Variants in KCNQ1 observed in about 807,000 individuals in gnomAD.
KCNQ1 encodes the protein potassium voltage-gated channel subfamily KQT member 1.
Under a neutral mutation model 72.4 loss-of-function variants are expected in KCNQ1, and 49 were observed. The ratio of observed to expected loss-of-function variants is 0.68; its 90% CI spans 0.54 to 0.86. The LOEUF (loss-of-function observed/expected upper bound fraction) is 0.86, where lower values mean the gene tolerates loss of function less well. Among genes scored for constraint, KCNQ1 ranks in the 40% least tolerant of loss-of-function variants. KCNQ1 has a pLI of 0.00. For synonymous variants in KCNQ1, 450 were observed against 412.6 expected (o/e 1.09, Z -1.10); for missense variants, 790 against 945.1 (o/e 0.84, Z 2.15).
At chr11:2,685,959 G>A (rs1339849377) in intron 11 of KCNQ1, 9 of 398,648 alleles carry the variant, frequency 2.3e-5, no homozygotes, top group East Asian at 3.6e-5. Flanking sequence ...TGGGTCACAC[G>A]GATGAGGCCT....
intron 7 of KCNQ1, among the ~76,000 whole-genome samples, chr11:2,583,917 T>G (rs1848544172): frequency 6.6e-6 from 1 of 152,218 alleles, no homozygotes; most frequent in Admixed American, 6.5e-5. Flanking sequence ...GGGGGGGTTT[T>G]GTTCCATGTC....
intron 6 of KCNQ1, among the ~76,000 whole-genome samples, chr11:2,580,747 G>C (rs1054797253): frequency 2.6e-5 from 4 of 152,208 alleles, no homozygotes; most frequent in Non-Finnish European, 5.9e-5. Context: ...CCCCACCTTG[G>C]GCGCTGGTCT....
intron 1 of KCNQ1, among the ~76,000 whole-genome samples, chr11:2,503,739 G>T (rs541910143): frequency 6.6e-6 from 1 of 152,158 alleles, no homozygotes; most frequent in East Asian, 1.9e-4. Flanking sequence ...GGTACTCAAC[G>T]TCACTGATCA....
chr11:2,522,521 C>T (rs1015968903), intron 1 of KCNQ1, among the ~76,000 whole-genome samples: 2 of 152,198 alleles, frequency 1.3e-5, no homozygotes, highest in African/African-American at 4.8e-5. Flanking sequence ...CAGCTCGGCA[C>T]CTGTGAGGTT....
At chr11:2,594,082 C>T (rs1213815731) in intron 10 of KCNQ1, among the ~76,000 whole-genome samples, 1 of 152,184 alleles carries the variant, frequency 6.6e-6, no homozygotes, top group African/African-American at 2.4e-5. Context: ...TCTGTCTCAC[C>T]ATTTGGATTT....
chr11:2,697,005 T>G lies in KCNQ1; in HGVS notation c.1514+34924T>G, dbSNP rs1850688413. ...CCATGTAGCCCAGTAATTTTCAAAGTGTAGTCTGGGGATTCCAGAGAGCCC... is the reference window on the plus strand; with the variant it reads ...CCATGTAGCCCAGTAATTTTCAAAGGGTAGTCTGGGGATTCCAGAGAGCCC... On this transcript the variant is annotated intron_variant, in intron 11 of 15. Transcript: ENST00000155840. The G allele has an allele frequency of 1.0e-5, 4 of 398,572 alleles. No homozygotes were observed. The East Asian group carries it at 1.4e-4, about 14-fold the overall frequency. The allele number at this position is 398,572 out of a possible 1,614,324, so 24.7% of individuals were successfully genotyped here. A position where few individuals can be genotyped will look rare whatever the true frequency, so the allele number is the denominator to read the frequency against.
intron 11 of KCNQ1, among the ~76,000 whole-genome samples, chr11:2,736,478 C>T (rs937182626): frequency 1.3e-5 from 2 of 152,114 alleles, no homozygotes; most frequent in Non-Finnish European, 2.9e-5. Context: ...GACGGTGGCC[C>T]CCGTGCCTGG....
intron 11 of KCNQ1, chr11:2,696,541 T>A: frequency 2.5e-6 from 1 of 398,672 alleles, no homozygotes; most frequent in Non-Finnish European, 4.4e-6. Context: ...AGTTGGCATT[T>A]ACAAATATTT....
Position 2,710,076 on chromosome 11 carries a change from T to C in KCNQ1, c.1514+47995T>C, listed in dbSNP as rs1307655359. Among the ~76,000 whole-genome samples, 1 of 152,244 alleles carries C rather than the reference T, an allele frequency of 6.6e-6. No homozygotes were observed. Among genetic ancestry groups the C allele is most frequent in the African/African-American group, 2.4e-5 (1 of 41,462 alleles). On this transcript the variant is annotated intron_variant, in intron 11 of 15. Coordinates refer to ENST00000155840, the MANE Select transcript of KCNQ1 (RefSeq NM_000218.3). The surrounding 1 kb of genome is among the most constrained non-coding windows in gnomAD (Gnocchi z 4.1). ...GAGGATCTGCCAGACTGTTTTCCAA[T>C]GTGGCAGCACCATTTTGCATTCCCA...
intron 11 of KCNQ1, chr11:2,689,783 G>C (rs894064244): frequency 2.5e-6 from 1 of 398,714 alleles, no homozygotes; most frequent in Non-Finnish European, 4.4e-6. Flanking sequence ...CAGCCTAGGA[G>C]GGGAGGGGAA....
chr11:2,843,292 G>C (rs1159350918), intron 15 of KCNQ1, among the ~76,000 whole-genome samples: 1 of 152,248 alleles, frequency 6.6e-6, no homozygotes, highest in Non-Finnish European at 1.5e-5. Flanking sequence ...GCTCCACACA[G>C]GAGCCGGGTC....
chr11:2,569,689 G>A (rs1451235877), intron 2 of KCNQ1, among the ~76,000 whole-genome samples: 1 of 152,216 alleles, frequency 6.6e-6, no homozygotes, highest in Non-Finnish European at 1.5e-5. Flanking sequence ...CTGCCTGGGC[G>A]CTGGGCTCCA....
At chr11:2,821,337 G>A (rs1847733314) in intron 15 of KCNQ1, among the ~76,000 whole-genome samples, 1 of 152,230 alleles carries the variant, frequency 6.6e-6, no homozygotes, top group Non-Finnish European at 1.5e-5. Context: ...CAAGGGTTGG[G>A]GAATATGGTG....
intron 15 of KCNQ1, among the ~76,000 whole-genome samples, chr11:2,788,070 AGAATGTGGT>A (rs1195042062): frequency 6.6e-6 from 1 of 152,194 alleles, no homozygotes; most frequent in African/African-American, 2.4e-5. Flanking sequence ...GAGTGCCCAT[AGAATGTGGT>A]GAATGTGGAT....
intron 6 of KCNQ1, among the ~76,000 whole-genome samples, chr11:2,581,671 C>A (rs766524958): frequency 1.3e-5 from 2 of 152,264 alleles, no homozygotes; most frequent in Non-Finnish European, 2.9e-5. Flanking sequence ...TTTCACATGA[C>A]CTTGTCATCT....
intron 10 of KCNQ1, chr11:2,648,842 C>T (rs1849708023): frequency 2.5e-6 from 1 of 398,318 alleles, no homozygotes; most frequent in African/African-American, 2.1e-5. Flanking sequence ...TGGGGTCTAT[C>T]TCTTTAGCAC....
intron 1 of KCNQ1, among the ~76,000 whole-genome samples, chr11:2,496,495 C>CCTTT: frequency 3.4e-5 from 1 of 29,830 alleles, no homozygotes; most frequent in Non-Finnish European, 6.2e-5. Context: ...ACAACCCCTG[C>CCTTT]TTTTTTTTTT....
At chr11:2,740,519 C>T (rs781681950) in intron 11 of KCNQ1, among the ~76,000 whole-genome samples, 4 of 152,202 alleles carry the variant, frequency 2.6e-5, no homozygotes, top group South Asian at 4.1e-4. Context: ...TGGCAGGCCC[C>T]GAATGTGAGC....
rs1006922396 is a variant in KCNQ1, at chr11:2,463,496, T to G, written c.386+18012T>G. On this transcript the variant is annotated intron_variant, in intron 1 of 15. Coordinates refer to ENST00000155840, the MANE Select transcript of KCNQ1 (RefSeq NM_000218.3). The surrounding 1 kb of genome is among the most constrained non-coding windows in gnomAD (Gnocchi z 7.0). ...TGGGGGGCTCTGTAGCCTTCCTGGCTTCGGTCCCCTGGACAGGCTCCACCT... is the reference window on the plus strand; with the variant it reads ...TGGGGGGCTCTGTAGCCTTCCTGGCGTCGGTCCCCTGGACAGGCTCCACCT... Among the ~76,000 whole-genome samples, 1 of 152,112 alleles carries G rather than the reference T, an allele frequency of 6.6e-6. No homozygotes were observed. The highest frequency in any genetic ancestry group is 1.5e-5 in the Non-Finnish European group (1 of 68,000).
Sources: gnomAD v4.1 joint callset for allele counts (sites outside exome capture counted in the v4.1 genomes callset) on GRCh38, gnomAD v4.1.1 for gene constraint, Gnocchi (gnomAD v3.1) non-coding constraint, MANE v1.5 for transcripts, NCBI Gene and HGNC (gene_info 2026-07-23, HGNC 2026-07-21) for gene names.